EPB41: variants seen among roughly 807,000 people sequenced by gnomAD.
EPB41 encodes the protein protein 4.1.
In EPB41, 65 loss-of-function variants were observed where a neutral mutation model predicts 108.0. The ratio of observed to expected loss-of-function variants is 0.60; its 90% CI spans 0.49 to 0.74. The LOEUF (loss-of-function observed/expected upper bound fraction) is 0.74, where lower values mean the gene tolerates loss of function less well. Ranked by LOEUF, EPB41 falls within the 30% of genes least tolerant of loss-of-function variation. The pLI is 0.00. For missense variants in EPB41, 875 were observed against 1,037.0 expected, an observed-to-expected ratio of 0.84 and a Z score of 2.15; for synonymous variants, 336 against 358.9, an observed-to-expected ratio of 0.94 and a Z score of 0.72.
intron 1 of EPB41, among the ~76,000 whole-genome samples, chr1:28,888,593 G>T (rs2089728172): frequency 6.6e-6 from 1 of 152,188 alleles, no homozygotes; most frequent in Non-Finnish European, 1.5e-5. Context: ...CTGTAAATAA[G>T]GCGTTAAAGC....
chr1:29,035,593 A>G (rs1639142654), intron 9 of EPB41, among the ~76,000 whole-genome samples: 1 of 151,778 alleles, frequency 6.6e-6, no homozygotes, highest in African/African-American at 2.4e-5. Context: ...AAAAAAAAAA[A>G]GCTTAAATTA....
At chr1:28,912,148 C>T (rs975009350), upstream of EPB41, among the ~76,000 whole-genome samples, 5 of 152,214 alleles carry the variant, frequency 3.3e-5, no homozygotes, top group African/African-American at 1.2e-4. Flanking sequence ...TGAGGATGTT[C>T]ATTAACTCAT....
chr1:29,046,215 C>T (rs1484856939), intron 11 of EPB41, among the ~76,000 whole-genome samples: 2 of 151,832 alleles, frequency 1.3e-5, no homozygotes, highest in Non-Finnish European at 1.5e-5. Flanking sequence ...ACCTCTGCCT[C>T]CTGGGTTCAA....
intron 1 of EPB41, among the ~76,000 whole-genome samples, chr1:28,964,960 C>T (rs1390591621): frequency 6.6e-6 from 1 of 152,158 alleles, no homozygotes; most frequent in East Asian, 1.9e-4. Context: ...CTCTGCTCTG[C>T]TTATTCTCTG....
intron 1 of EPB41, among the ~76,000 whole-genome samples, chr1:28,969,474 G>A (rs1471093717): frequency 6.6e-6 from 1 of 152,022 alleles, no homozygotes; most frequent in Non-Finnish European, 1.5e-5. Flanking sequence ...CATAAAAACT[G>A]TGTGAAATTA....
At chr1:29,033,291 A>G (rs1260378047) in intron 9 of EPB41, 46 bp downstream of exon 9, 1 of 1,596,448 alleles carries the variant, frequency 6.3e-7, no homozygotes, top group African/African-American at 1.3e-5. Flanking sequence ...CACAGTCTGT[A>G]TCTGAAATAT....
At chr1:29,086,322 A>T (rs1391964794) in intron 16 of EPB41, among the ~76,000 whole-genome samples, 1 of 144,838 alleles carries the variant, frequency 6.9e-6, no homozygotes, top group Non-Finnish European at 1.5e-5. Context: ...TCACCAGGCT[A>T]GAGTGCAGTG....
At chr1:28,998,534 G>A (rs931367255) in intron 4 of EPB41, among the ~76,000 whole-genome samples, 1 of 152,144 alleles carries the variant, frequency 6.6e-6, no homozygotes, top group Non-Finnish European at 1.5e-5. Context: ...TAGGTTGTGT[G>A]AGTTAGATAA....
At position 28,921,490 on chromosome 1, in the gene EPB41, C is replaced by T. The variant is rs372451328; in HGVS notation, c.-8+6722C>T. On this transcript the variant is annotated intron_variant, in intron 1 of 20. Transcript: ENST00000343067. The stretch of plus-strand genomic sequence containing the variant: ...CAGGAGTGCCAAGGATTTAAGCCCT[C>T]AAATTTTACCTGCCTACCATTTCAG... Among the ~76,000 whole-genome samples the T allele has an allele frequency of 6.8e-4, 103 of 152,182 alleles. 2 individuals carry two copies. Among genetic ancestry groups the T allele is most frequent in the Non-Finnish European group, 1.1e-3 (74 of 68,004 alleles).
chr1:29,057,466 T>A (rs1645749592), intron 12 of EPB41, among the ~76,000 whole-genome samples: 1 of 151,954 alleles, frequency 6.6e-6, no homozygotes, highest in Admixed American at 6.6e-5. Context: ...TGTGCTTAAC[T>A]TAACACTTGA....
At chr1:28,903,960 G>A (rs149915) in intron 1 of EPB41, among the ~76,000 whole-genome samples, 16,652 of 151,524 alleles carry the variant, frequency 0.11, 1,136 homozygotes, top group African/African-American at 0.2. Flanking sequence ...TCCACCTCCC[G>A]GGTTCAAGCG....
At chr1:28,891,982 A>G (rs566590626) in intron 1 of EPB41, among the ~76,000 whole-genome samples, 3 of 150,368 alleles carry the variant, frequency 2.0e-5, no homozygotes, top group Admixed American at 1.3e-4. Context: ...AATCCCAGCT[A>G]CTCGGGATGC....
chr1:29,002,176 T>G (rs1329311542), intron 4 of EPB41, among the ~76,000 whole-genome samples: 2 of 152,292 alleles, frequency 1.3e-5, no homozygotes, highest in South Asian at 2.1e-4. Context: ...TATGATAGTA[T>G]TATTGGCTGG....
intron 12 of EPB41, among the ~76,000 whole-genome samples, chr1:29,057,697 A>C (rs1645792019): frequency 6.6e-6 from 1 of 152,194 alleles, no homozygotes; most frequent in Non-Finnish European, 1.5e-5. Context: ...TGCTTTGGGC[A>C]TTGCTCCCTC....
intron 9 of EPB41, 42 bp downstream of exon 9, chr1:29,033,287 C>A: frequency 1.2e-6 from 2 of 1,604,722 alleles, no homozygotes; most frequent in South Asian, 2.2e-5. Flanking sequence ...CAGACACAGT[C>A]TGTATCTGAA....
chr1:29,033,210 CG>C lies in EPB41; in HGVS notation c.1331del (p.Arg444LeufsTer38). On this transcript the variant is annotated frameshift_variant, in exon 9 of 21. Transcript: ENST00000343067. LOFTEE classifies it high-confidence loss of function. Reference protein sequence around the residue: ...WPKVLKISYKRSSFFIKIRPG... With the variant: ...WPKVLKISYKXSSFFIKIRPG... Reference sequence around the variant, plus strand: ...CAAAGTGCTGAAGATTTCTTATAAACGTAGTAGCTTTTTCATCAAGATTCGG... The same window carrying C: ...CAAAGTGCTGAAGATTTCTTATAAACTAGTAGCTTTTTCATCAAGATTCGG... 1 of 1,613,892 alleles carries C rather than the reference CG, an allele frequency of 6.2e-7. No individual in the cohort carries two copies.
intron 1 of EPB41, among the ~76,000 whole-genome samples, chr1:28,889,286 G>GTT (rs980525390): frequency 5.9e-5 from 9 of 152,236 alleles, no homozygotes; most frequent in Non-Finnish European, 1.0e-4. Flanking sequence ...AAGTCCTGAG[G>GTT]TTTCCGCTGT....
At chr1:28,931,923 T>C (rs2093770693) in intron 1 of EPB41, among the ~76,000 whole-genome samples, 1 of 152,192 alleles carries the variant, frequency 6.6e-6, no homozygotes, top group South Asian at 2.1e-4. Flanking sequence ...CCAGTACAAA[T>C]GAGGGCCCTG....
At chr1:28,944,534 G>GTTTTTTTTTTTT (rs55849161) in intron 1 of EPB41, among the ~76,000 whole-genome samples, 8 of 97,420 alleles carry the variant, frequency 8.2e-5, no homozygotes, top group Admixed American at 1.2e-4. Flanking sequence ...CTCAGATCTG[G>GTTTTTTTTTTTT]TTTTTTTTTT....
Sources: allele counts gnomAD v4.1 joint callset (sites outside exome capture counted in the v4.1 genomes callset), GRCh38; gene constraint gnomAD v4.1.1; transcripts MANE v1.5; gene names NCBI Gene and HGNC (gene_info 2026-07-23, HGNC 2026-07-21).